RCL1: variants seen among roughly 807,000 people sequenced by gnomAD.
RCL1 encodes RNA terminal phosphate cyclase like 1, also known as RNA 3'-terminal phosphate cyclase-like protein.
Under a neutral mutation model 42.4 loss-of-function variants are expected in RCL1, and 24 were observed. The ratio of observed to expected loss-of-function variants is 0.57; its 90% confidence interval spans 0.41 to 0.80. The LOEUF is 0.80. Ranked by LOEUF, RCL1 falls within the 30% of genes least tolerant of loss-of-function variation. RCL1 has a pLI of 0.00. For missense variants in RCL1, 578 were observed against 467.9 expected (o/e 1.24, Z -2.17); for synonymous variants, 228 against 177.3 (o/e 1.29, Z -2.27).
rs147499201 is a variant in RCL1, at chr9:4,809,600, A to G, written c.137-13948A>G. Among the ~76,000 whole-genome samples, 727 of 152,220 alleles carry G rather than the reference A, an allele frequency of 4.8e-3. 4 individuals carry two copies. Among genetic ancestry groups the G allele is most frequent in the African/African-American group, 0.017 (687 of 41,544 alleles). On this transcript the variant is annotated intron_variant, in intron 1 of 8. Coordinates refer to ENST00000381750, the MANE Select transcript of RCL1 (RefSeq NM_005772.5). Reference sequence around the variant, plus strand: ...TGGGATTACAGGCGTGAGCCACTGCACCCGGCCAAGACTATGCTTTTTAAA... The same window carrying G: ...TGGGATTACAGGCGTGAGCCACTGCGCCCGGCCAAGACTATGCTTTTTAAA...
intron 8 of RCL1, among the ~76,000 whole-genome samples, chr9:4,857,702 C>T (rs373562358): frequency 2.6e-5 from 4 of 152,138 alleles, no homozygotes; most frequent in East Asian, 1.9e-4. Flanking sequence ...TTTTCCACAG[C>T]GGCTGTACCG....
At chr9:4,840,129 G>C (rs1224493179) in intron 5 of RCL1, among the ~76,000 whole-genome samples, 1 of 151,822 alleles carries the variant, frequency 6.6e-6, no homozygotes, top group South Asian at 2.1e-4. Flanking sequence ...AGTTCAGGAT[G>C]GGTCAAAAAA....
intron 2 of RCL1, 23 bp from the exon 3 acceptor site, chr9:4,826,835 G>C: frequency 6.3e-7 from 1 of 1,579,112 alleles, no homozygotes; most frequent in Non-Finnish European, 8.6e-7. Context: ...TGCTGAATGT[G>C]GCTCTTTTTC....
At chr9:4,850,016 G>C (rs1466045546) in intron 8 of RCL1, among the ~76,000 whole-genome samples, 4 of 152,226 alleles carry the variant, frequency 2.6e-5, no homozygotes, top group African/African-American at 2.4e-5. Flanking sequence ...GGGAATTGTA[G>C]AAGTGAGTTT....
chr9:4,809,560 G>A (rs1253122208), intron 1 of RCL1, among the ~76,000 whole-genome samples: 7 of 152,118 alleles, frequency 4.6e-5, no homozygotes, highest in African/African-American at 7.2e-5. Context: ...CGCCCGCCTC[G>A]GCCTCCCAGA....
chr9:4,807,729 G>C (rs1587697664), intron 1 of RCL1, among the ~76,000 whole-genome samples: 4 of 152,244 alleles, frequency 2.6e-5, no homozygotes, highest in Admixed American at 2.6e-4. Context: ...GTGTTGGTCA[G>C]GTTGGCCTCA....
chr9:4,827,109 C>G, intron 3 of RCL1, 76 bp downstream of exon 3: 1 of 1,597,366 alleles, frequency 6.3e-7, no homozygotes, highest in Non-Finnish European at 8.5e-7. Context: ...GAAAAAAGTT[C>G]CTTATAAGGC....
At chr9:4,837,817 G>T (rs1817189587) in intron 5 of RCL1, among the ~76,000 whole-genome samples, 1 of 151,896 alleles carries the variant, frequency 6.6e-6, no homozygotes, top group Non-Finnish European at 1.5e-5. Flanking sequence ...GAAGAGACTT[G>T]TGAGGTCCCA....
chr9:4,829,289 A>G (rs1432708865), intron 3 of RCL1, among the ~76,000 whole-genome samples: 1 of 152,186 alleles, frequency 6.6e-6, no homozygotes, highest in Non-Finnish European at 1.5e-5. Context: ...TAGCTTGGGC[A>G]TTATGGAGAT....
intron 1 of RCL1, among the ~76,000 whole-genome samples, chr9:4,795,555 G>T (rs1842900936): frequency 6.6e-6 from 1 of 152,178 alleles, no homozygotes; most frequent in Non-Finnish European, 1.5e-5. Context: ...GGAGTCCTTG[G>T]TAGCTTGATT....
At chr9:4,849,694 C>G (rs1228539038) in intron 8 of RCL1, 144 bp downstream of exon 8, 6 of 620,994 alleles carry the variant, frequency 9.7e-6, no homozygotes, top group Middle Eastern at 2.6e-4. Flanking sequence ...AGTTGTCACT[C>G]TTAACCTGGT....
intron 4 of RCL1, 129 bp from the exon 5 acceptor site, chr9:4,834,012 A>G (rs2131014184): frequency 7.9e-6 from 8 of 1,017,904 alleles, no homozygotes; most frequent in Non-Finnish European, 1.1e-5. Flanking sequence ...GAAGGGAATG[A>G]CAGATTGAAT....
chr9:4,840,075 G>C (rs1450310128), intron 5 of RCL1, among the ~76,000 whole-genome samples: 1 of 152,042 alleles, frequency 6.6e-6, no homozygotes, highest in Non-Finnish European at 1.5e-5. Flanking sequence ...AGGAGCCACC[G>C]AGAGACTGTC....
chr9:4,848,936 C>G (rs1157901654), intron 7 of RCL1, among the ~76,000 whole-genome samples: 1 of 152,084 alleles, frequency 6.6e-6, no homozygotes, highest in Non-Finnish European at 1.5e-5. Flanking sequence ...GTATGGCAAG[C>G]AGTTTCCTGA....
chr9:4,848,422 T>C (rs1465745842), intron 7 of RCL1, among the ~76,000 whole-genome samples: 1 of 152,204 alleles, frequency 6.6e-6, no homozygotes, highest in Non-Finnish European at 1.5e-5. Flanking sequence ...GAAAATGGAT[T>C]TATTTCCTAC....
intron 4 of RCL1, 140 bp downstream of exon 4, chr9:4,833,368 A>G (rs1485150960): frequency 1.8e-5 from 12 of 677,034 alleles, no homozygotes; most frequent in Non-Finnish European, 3.2e-5. Flanking sequence ...GGCTCATGAA[A>G]TAAACACTAC....
At chr9:4,809,468 C>G (rs1816094683) in intron 1 of RCL1, among the ~76,000 whole-genome samples, 1 of 152,032 alleles carries the variant, frequency 6.6e-6, no homozygotes, top group Non-Finnish European at 1.5e-5. Context: ...TGCCACCACA[C>G]CCGGCTAATT....
chr9:4,849,700 C>G (rs927844742), intron 8 of RCL1, 150 bp downstream of exon 8: 1 of 613,848 alleles, frequency 1.6e-6, no homozygotes, highest in East Asian at 2.8e-5. Context: ...CACTCTTAAC[C>G]TGGTGTTTAT....
chr9:4,817,945 A>T, intron 1 of RCL1, among the ~76,000 whole-genome samples: 1 of 100,078 alleles, frequency 1.0e-5, no homozygotes, highest in African/African-American at 4.0e-5. Flanking sequence ...TTTGAGACAG[A>T]ATTTGGCTTT....
Sources: gnomAD v4.1 joint callset for allele counts (sites outside exome capture counted in the v4.1 genomes callset) on GRCh38, gnomAD v4.1.1 for gene constraint, MANE v1.5 for transcripts, NCBI Gene and HGNC (gene_info 2026-07-23, HGNC 2026-07-21) for gene names.